The following NDUFA10 variants were observed in gnomAD, a reference collection of about 807,000 sequenced individuals.
NDUFA10 encodes the protein NADH dehydrogenase [ubiquinone] 1 alpha subcomplex subunit 10, mitochondrial.
In NDUFA10, 40 loss-of-function variants were observed where a neutral mutation model predicts 47.8. The ratio of observed to expected loss-of-function variants is 0.84; its 90% CI spans 0.65 to 1.09. The LOEUF is 1.09. Among genes scored for constraint, NDUFA10 ranks in the 50% least tolerant of loss-of-function variants. The pLI is 0.00. For synonymous variants in NDUFA10, 183 were observed against 172.2 expected, an observed-to-expected ratio of 1.06 and a Z score of -0.49; for missense variants, 413 against 451.1, an observed-to-expected ratio of 0.92 and a Z score of 0.76.
rs146389087 is a variant in NDUFA10 at position 239,911,670 on chromosome 2, A to AGT, written c.295-16358_295-16357dup. On this transcript the variant is annotated intron_variant, in intron 4 of 5. Transcript: ENST00000419408. Reference sequence around the variant, plus strand: ...CAGCCCAGACACCAAAACATGAGAGAGTGTGTGTGCGTGTGTGTGTGTGTG... The same window carrying AGT: ...CAGCCCAGACACCAAAACATGAGAGAGTGTGTGTGTGCGTGTGTGTGTGTGTG... Among the ~76,000 whole-genome samples the AGT allele has an allele frequency of 1.7e-3, 250 of 146,630 alleles. 2 individuals carry two copies. The highest frequency in any genetic ancestry group is 8.6e-3 in the East Asian group (42 of 4,908).
At chr2:239,952,785 C>T (rs572094157), downstream of NDUFA10, among the ~76,000 whole-genome samples, 21 of 152,332 alleles carry the variant, frequency 1.4e-4, no homozygotes, top group South Asian at 2.9e-3. Flanking sequence ...AGCCAGCCCA[C>T]GGCAGACGCG....
At chr2:239,985,318 TAAC>T (rs1168458003) in intron 9 of NDUFA10, among the ~76,000 whole-genome samples, 2 of 152,142 alleles carry the variant, frequency 1.3e-5, no homozygotes, top group Admixed American at 6.5e-5. Context: ...CTTGAAATTA[TAAC>T]AATGAAAACT....
At chr2:240,008,570 T>A (rs768093818) in intron 6 of NDUFA10, among the ~76,000 whole-genome samples, 6 of 152,172 alleles carry the variant, frequency 3.9e-5, no homozygotes, top group Admixed American at 1.3e-4. Context: ...GTCTTAAACA[T>A]CCCTGATGAA....
chr2:239,937,855 C>T (rs1694290052), intron 4 of NDUFA10, among the ~76,000 whole-genome samples: 1 of 152,184 alleles, frequency 6.6e-6, no homozygotes. Context: ...TACAGCCATT[C>T]TGGTGGAAGC....
Position 240,017,024 on chromosome 2 carries a change from G to A in NDUFA10, c.547+1529C>T, listed in dbSNP as rs562674345. ...GGCCTGCCCAGTGTCCCTCCTGAGC[G>A]GCAACTCCCACTGCCCAGTGCAGCC... On this transcript the variant is annotated intron_variant, in intron 4 of 9. Transcript: ENST00000252711. 1.2e-4 allele frequency among the ~76,000 whole-genome samples: 19 copies of A among 152,114 alleles called. No homozygotes were observed. In the East Asian group the frequency reaches 2.5e-3, roughly 20 times the overall value.
downstream of NDUFA10, among the ~76,000 whole-genome samples, chr2:239,956,268 A>G (rs1354118730): frequency 6.6e-6 from 1 of 152,136 alleles, no homozygotes; most frequent in Non-Finnish European, 1.5e-5. Context: ...AATCCAAATA[A>G]AAGTCTGACG....
rs1404584569 is a variant in NDUFA10 at position 239,906,476 on chromosome 2, C to T, written c.295-11162G>A. Among the ~76,000 whole-genome samples, 1 of 152,180 alleles carries T rather than the reference C, an allele frequency of 6.6e-6. No individual in the cohort carries two copies. Among genetic ancestry groups the T allele is most frequent in the Non-Finnish European group, 1.5e-5 (1 of 68,040 alleles). On this transcript the variant is annotated intron_variant, in intron 4 of 5. Transcript: ENST00000419408. This position sits in a 1 kb window ranked among gnomAD's most constrained non-coding sequence, Gnocchi z 4.3. ...AGAACACCAGACGGGGGCCCCCACG[C>T]CAATTCATGGAGTCCCCGCACTTAT...
chr2:239,915,370 C>CAT, intron 4 of NDUFA10, among the ~76,000 whole-genome samples: 1 of 143,778 alleles, frequency 7.0e-6, no homozygotes, highest in African/African-American at 2.7e-5. Flanking sequence ...TATACAGACA[C>CAT]ACACAGAGAC....
At chr2:239,937,681 C>T (rs909583864) in intron 4 of NDUFA10, among the ~76,000 whole-genome samples, 3 of 152,172 alleles carry the variant, frequency 2.0e-5, no homozygotes, top group Non-Finnish European at 2.9e-5. Context: ...AGGACATGTG[C>T]GTTCAGTGCT....
At chr2:239,948,162 C>T (rs1468293524) in intron 4 of NDUFA10, among the ~76,000 whole-genome samples, 1 of 152,250 alleles carries the variant, frequency 6.6e-6, no homozygotes. Flanking sequence ...AATAGCAGCT[C>T]ATTTCCACCA....
intron 6 of NDUFA10, among the ~76,000 whole-genome samples, chr2:240,007,729 C>T (rs1697000073): frequency 6.6e-6 from 1 of 152,224 alleles, no homozygotes. Context: ...TCGCCAAAGG[C>T]AGTGCCCGCT....
In NDUFA10 at chr2:239,949,920, T is replaced by C. The variant is rs962197181; in HGVS notation, c.294+40154A>G. On this transcript the variant is annotated intron_variant, in intron 4 of 5. Transcript: ENST00000419408. ...TCCTTGTAACTGTCTCCATATCTGT[T>C]CATCCTGTGGGTCCTGGTCTCAGGA... 7.9e-5 allele frequency among the ~76,000 whole-genome samples: 12 copies of C among 152,138 alleles called. 1 individual carries two copies. The highest frequency in any genetic ancestry group is 1.8e-4 in the Non-Finnish European group (12 of 68,028).
chr2:239,896,772 G>A (rs1460406166), intron 4 of NDUFA10, among the ~76,000 whole-genome samples: 1 of 152,186 alleles, frequency 6.6e-6, no homozygotes, highest in Non-Finnish European at 1.5e-5. Context: ...GAAAGATGCA[G>A]ACCAAGTCAT....
intron 4 of NDUFA10, among the ~76,000 whole-genome samples, chr2:239,951,496 G>GC (rs1410946307): frequency 5.3e-5 from 8 of 152,304 alleles, no homozygotes; most frequent in Admixed American, 1.3e-4. Context: ...GTGCTGGGCA[G>GC]CCGTGTCCCA....
intron 4 of NDUFA10, chr2:239,943,170 G>C (rs1401233010): frequency 6.5e-6 from 1 of 154,572 alleles, no homozygotes; most frequent in East Asian, 1.9e-4. Context: ...ATGTCTGCCA[G>C]AGGCATTGCA....
chr2:239,966,871 C>T (rs13427275), intron 9 of NDUFA10, among the ~76,000 whole-genome samples: 33,597 of 75,468 alleles, frequency 0.45, 5,141 homozygotes, highest in East Asian at 0.47. Flanking sequence ...TTTTTTTTTT[C>T]CCTAAGAGAG....
In NDUFA10 at chr2:239,951,881, G is replaced by C. The variant is rs150372955; in HGVS notation, c.294+38193C>G. Among the ~76,000 whole-genome samples, 364 of 152,376 alleles carry C rather than the reference G, an allele frequency of 2.4e-3. 2 individuals are homozygous for C. Among genetic ancestry groups the C allele is most frequent in the African/African-American group, 8.3e-3 (347 of 41,598 alleles). ...CCCTGGGCAGCGGGAAGGACAGTGG[G>C]ACCCAGGAACACGAGGGCCCTGCTG... On this transcript the variant is annotated intron_variant, in intron 4 of 5. Transcript: ENST00000419408.
At chr2:239,950,695 C>G (rs115752282) in intron 4 of NDUFA10, among the ~76,000 whole-genome samples, 2 of 152,216 alleles carry the variant, frequency 1.3e-5, no homozygotes, top group South Asian at 4.1e-4. Context: ...GGTGTAAGGG[C>G]CTGTGCATGT....
chr2:239,935,893 C>T (rs1033996847), intron 4 of NDUFA10, among the ~76,000 whole-genome samples: 3 of 152,230 alleles, frequency 2.0e-5, no homozygotes, highest in Non-Finnish European at 4.4e-5. Context: ...ATAAAATACC[C>T]GGTCTTGACC....
Sources: allele counts gnomAD v4.1 joint callset (sites outside exome capture counted in the v4.1 genomes callset), GRCh38; gene constraint gnomAD v4.1.1; non-coding constraint Gnocchi (gnomAD v3.1); transcripts MANE v1.5; gene names NCBI Gene and HGNC (gene_info 2026-07-23, HGNC 2026-07-21).